The following EGFR variants were observed in gnomAD, a reference collection of about 807,000 sequenced individuals.
EGFR encodes epidermal growth factor receptor.
A neutral mutation model predicts 143.0 loss-of-function variants in EGFR; 58 were observed. That is an observed-to-expected ratio of 0.41 (90% CI 0.33 to 0.50). The LOEUF (loss-of-function observed/expected upper bound fraction) is 0.50, where lower values mean the gene tolerates loss of function less well. EGFR is among the 20% of genes least tolerant of loss of function. The pLI, the probability that EGFR is intolerant of heterozygous loss-of-function variation, is 0.39. For missense variants in EGFR, 1,307 were observed against 1,579.0 expected (o/e 0.83, Z 2.92); for synonymous variants, 613 against 594.4 (o/e 1.03, Z -0.45).
intron 1 of EGFR, among the ~76,000 whole-genome samples, chr7:55,134,429 G>A (rs1367234074): frequency 6.6e-6 from 1 of 152,238 alleles, no homozygotes; most frequent in East Asian, 1.9e-4. Context: ...TTCAGTTCCA[G>A]GTAAATCATC....
chr7:55,130,654 C>T (rs62459767), intron 1 of EGFR, among the ~76,000 whole-genome samples: 7,551 of 152,320 alleles, frequency 0.05, 257 homozygotes, highest in Middle Eastern at 0.17. Flanking sequence ...AACCCACACA[C>T]ACTCAGAGCA....
chr7:55,031,323 G>A (rs1385132530), intron 1 of EGFR, among the ~76,000 whole-genome samples: 1 of 152,190 alleles, frequency 6.6e-6, no homozygotes, highest in African/African-American at 2.4e-5. Context: ...GTCTTGCAAA[G>A]GTTACTTGGG....
At chr7:55,023,257 AAC>A (rs1219163999) in intron 1 of EGFR, among the ~76,000 whole-genome samples, 12 of 152,172 alleles carry the variant, frequency 7.9e-5, no homozygotes, top group Non-Finnish European at 1.5e-4. Context: ...GAGCTTATTT[AAC>A]ATTGGGTTTT....
At chr7:55,086,353 GCTCCCT>G (rs983541472) in intron 1 of EGFR, among the ~76,000 whole-genome samples, 3 of 144,498 alleles carry the variant, frequency 2.1e-5, no homozygotes, top group African/African-American at 8.0e-5. Flanking sequence ...AGGTTATTTT[GCTCCCT>G]TTCCCTTTGA....
At chr7:55,040,386 G>A (rs1787832596) in intron 1 of EGFR, among the ~76,000 whole-genome samples, 1 of 152,128 alleles carries the variant, frequency 6.6e-6, no homozygotes. Context: ...GGAGGAAGGT[G>A]GGGTTGGAAG....
chr7:55,146,527 A>C, intron 3 of EGFR, 79 bp from the exon 4 acceptor site: 1 of 1,601,744 alleles, frequency 6.2e-7, no homozygotes, highest in African/African-American at 1.3e-5. Context: ...CAGAACATAA[A>C]TGCGAAGAGC....
intron 1 of EGFR, among the ~76,000 whole-genome samples, chr7:55,105,997 G>A (rs2128904461): frequency 6.6e-6 from 1 of 152,308 alleles, no homozygotes; most frequent in South Asian, 2.1e-4. Flanking sequence ...ATAGATTTCT[G>A]TGTGCTTACT....
intron 1 of EGFR, among the ~76,000 whole-genome samples, chr7:55,126,595 C>T (rs1409739417): frequency 1.3e-5 from 2 of 152,190 alleles, no homozygotes; most frequent in Non-Finnish European, 2.9e-5. Flanking sequence ...CACACCTCAT[C>T]CCCACATACC....
At chr7:55,114,879 C>G (rs199655702) in intron 1 of EGFR, among the ~76,000 whole-genome samples, 1 of 122,770 alleles carries the variant, frequency 8.1e-6, no homozygotes, top group Non-Finnish European at 1.7e-5. Flanking sequence ...TTGTATTATT[C>G]TTTTTTTTTT....
chr7:55,169,169 T>C (rs1815156), intron 15 of EGFR, among the ~76,000 whole-genome samples: 69,969 of 150,942 alleles, frequency 0.46, 16,546 homozygotes, highest in East Asian at 0.6. Context: ...GCCGTGATCT[T>C]GGCTCACTGC....
At chr7:55,111,524 T>C (rs979932713) in intron 1 of EGFR, among the ~76,000 whole-genome samples, 5 of 152,186 alleles carry the variant, frequency 3.3e-5, no homozygotes, top group African/African-American at 9.6e-5. Context: ...GGGTTTTAAA[T>C]TGCTCAAAAT....
At chr7:55,137,872 C>A (rs945960351) in intron 1 of EGFR, among the ~76,000 whole-genome samples, 1 of 152,112 alleles carries the variant, frequency 6.6e-6, no homozygotes, top group Admixed American at 6.5e-5. Context: ...GTTAGGGTTT[C>A]GATCATGACA....
At chr7:55,106,284 G>A (rs192422107) in intron 1 of EGFR, among the ~76,000 whole-genome samples, 36 of 152,346 alleles carry the variant, frequency 2.4e-4, no homozygotes, top group Middle Eastern at 3.4e-3. Flanking sequence ...AACAGTGTGC[G>A]TCCAGGTGTC....
chr7:55,062,782 C>T (rs1486647466), intron 1 of EGFR, among the ~76,000 whole-genome samples: 2 of 152,086 alleles, frequency 1.3e-5, no homozygotes, highest in Admixed American at 6.5e-5. Context: ...TGAAAAGCTA[C>T]TTAAAATGTG....
At chr7:55,163,297 G>C (rs1785797244) in intron 13 of EGFR, among the ~76,000 whole-genome samples, 1 of 152,178 alleles carries the variant, frequency 6.6e-6, no homozygotes, top group Non-Finnish European at 1.5e-5. Flanking sequence ...TCATACCTGT[G>C]TTCCACACTC....
rs2128968837 is a variant in EGFR, at chr7:55,198,819, A to G, written c.2804A>G (p.Gln935Arg). 6.2e-7 allele frequency: 1 copy of G among 1,614,228 alleles called. No homozygotes were observed. Among genetic ancestry groups the G allele is most frequent in the Non-Finnish European group, 8.5e-7 (1 of 1,180,036 alleles). ...CTGGAGAAAGGAGAACGCCTCCCTC[A>G]GCCACCCATATGTACCATCGATGTC... Reference protein sequence around the residue: ...SILEKGERLPQPPICTIDVYM... With the variant: ...SILEKGERLPRPPICTIDVYM... The change falls in exon 23 of 28, where the codon CAG (glutamine) becomes CGG (arginine). Residue 935 changes from glutamine (Q) to arginine (R), a missense_variant. Physicochemically the swap from Gln to Arg is conservative, Grantham distance 43 (BLOSUM62 1). This residue lies in a region of EGFR where 348 missense variants were observed against 451.5 expected (regional missense o/e 0.77). Coordinates refer to ENST00000275493, the MANE Select transcript of EGFR (RefSeq NM_005228.5).
rs2128975538 is a variant in EGFR, at chr7:55,205,517, C to T, written c.3533C>T (p.Pro1178Leu). The T allele has an allele frequency of 6.2e-7, 1 of 1,614,190 alleles. No homozygotes were observed. The highest frequency in any genetic ancestry group is 1.1e-5 in the South Asian group (1 of 91,088). The change falls in exon 28 of 28, where the codon CCC (proline) becomes CTC (leucine). Residue 1178 changes from proline to leucine, a missense_variant. Around this residue, in one of 7 missense-constraint regions of EGFR, gnomAD observed 313 missense variants for 312.3 expected, o/e 1.00. Transcript: ENST00000275493. ...CCTGACTACCAGCAGGACTTCTTTC[C>T]CAAGGAAGCCAAGCCAAATGGCATC... Reference protein sequence around the residue: ...DNPDYQQDFFPKEAKPNGIFK... With the variant: ...DNPDYQQDFFLKEAKPNGIFK...
chr7:55,128,558 C>A (rs1190018721), intron 1 of EGFR, among the ~76,000 whole-genome samples: 1 of 152,184 alleles, frequency 6.6e-6, no homozygotes, highest in Non-Finnish European at 1.5e-5. Context: ...CTGTGACTCA[C>A]CCCTGCAAGT....
rs781609053 is a variant in EGFR at position 55,200,379 on chromosome 7, T to C, written c.2912T>C (p.Met971Thr). 6.2e-7 allele frequency: 1 copy of C among 1,614,188 alleles called. No homozygotes were observed. The highest frequency in any genetic ancestry group is 8.5e-7 in the Non-Finnish European group (1 of 1,180,036). Residue 971 changes from methionine (M) to threonine (T), a missense_variant, in exon 24 of 28, where the codon ATG becomes ACG. Met to Thr is a moderately conservative substitution (Grantham distance 81). Around this residue, in one of 7 missense-constraint regions of EGFR, gnomAD observed 313 missense variants for 312.3 expected, o/e 1.00. Transcript: ENST00000275493. ...FRELIIEFSK[M>T]ARDPQRYLVI... Reference sequence around the variant, plus strand: ...GAGTTGATCATCGAATTCTCCAAAATGGCCCGAGACCCCCAGCGCTACCTT... The same window carrying C: ...GAGTTGATCATCGAATTCTCCAAAACGGCCCGAGACCCCCAGCGCTACCTT...
Sources: allele counts gnomAD v4.1 joint callset (sites outside exome capture counted in the v4.1 genomes callset), GRCh38; gene constraint gnomAD v4.1.1; regional missense constraint gnomAD v4.1.1; transcripts MANE v1.5; gene names NCBI Gene and HGNC (gene_info 2026-07-23, HGNC 2026-07-21).